DMXL1: variants seen among roughly 807,000 people sequenced by gnomAD.
DMXL1 encodes Dmx like 1, also known as dmX-like protein 1.
In DMXL1, 99 loss-of-function variants were observed where a neutral mutation model predicts 319.2. The observed-to-expected ratio is 0.31, with a 90% CI of 0.26 to 0.37. The LOEUF (loss-of-function observed/expected upper bound fraction) is 0.37. Among genes scored for constraint, DMXL1 ranks in the 10% least tolerant of loss-of-function variants. DMXL1 has a pLI of 1.00. For missense variants in DMXL1, 3,745 were observed against 3,595.6 expected (o/e 1.04, Z -1.06); for synonymous variants, 1,385 against 1,235.2 (o/e 1.12, Z -2.54).
intron 19 of DMXL1, among the ~76,000 whole-genome samples, chr5:119,155,095 C>T (rs1770702105): frequency 6.6e-6 from 1 of 152,178 alleles, no homozygotes; most frequent in Non-Finnish European, 1.5e-5. Flanking sequence ...CTGTTATTGA[C>T]AGTGACCTGT....
chr5:119,180,524 T>C (rs1311100306), intron 28 of DMXL1, among the ~76,000 whole-genome samples: 1 of 152,192 alleles, frequency 6.6e-6, no homozygotes, highest in East Asian at 1.9e-4. Context: ...ACTTCTCCTT[T>C]TTCTTCTTAT....
intron 1 of DMXL1, among the ~76,000 whole-genome samples, chr5:119,093,948 A>C (rs1000174765): frequency 6.6e-6 from 1 of 152,212 alleles, no homozygotes; most frequent in Non-Finnish European, 1.5e-5. Flanking sequence ...GGAAGCTGCA[A>C]AATTAAAGTT....
At chr5:119,083,374 A>AT (rs1163098288) in intron 1 of DMXL1, among the ~76,000 whole-genome samples, 11 of 151,908 alleles carry the variant, frequency 7.2e-5, no homozygotes, top group Non-Finnish European at 2.9e-5. Flanking sequence ...CATATACTAC[A>AT]TTTTTTTCAT....
In DMXL1 at chr5:119,147,405, T is replaced by C; in HGVS notation, c.2846T>C (p.Met949Thr). Residue 949 changes from methionine (M) to threonine (T), a missense_variant, in exon 17 of 44, where the codon ATG becomes ACG. Transcript: ENST00000539542. Reference sequence around the variant, plus strand: ...AGCAGGTTGACTCTGTTTTCAGAAATGGTTTATAGCCAAGAATTGCATTTA... The same window carrying C: ...AGCAGGTTGACTCTGTTTTCAGAAACGGTTTATAGCCAAGAATTGCATTTA... ...STSRLTLFSE[M>T]VYSQELHLPE... is the part of the protein sequence containing the mutation. 1 of 1,613,622 alleles carries C rather than the reference T, an allele frequency of 6.2e-7. No homozygotes were observed. The highest frequency in any genetic ancestry group is 8.5e-7 in the Non-Finnish European group (1 of 1,179,718).
chr5:119,132,237 A>G (rs1011003425), intron 10 of DMXL1, among the ~76,000 whole-genome samples: 5 of 152,212 alleles, frequency 3.3e-5, no homozygotes, highest in African/African-American at 9.6e-5. Context: ...AATTATGTCT[A>G]TAGGCTCTTT....
At position 119,120,959 on chromosome 5, in the gene DMXL1, C is replaced by G. The variant is rs1425217395; in HGVS notation, c.934-12C>G. ...GACAATATAGGTATTAGTTTTGTTT[C>G]TATTCACACAGGTAAATCTGAGACA... On this transcript the variant is annotated splice_polypyrimidine_tract_variant and intron_variant, in intron 8 of 43. Transcript: ENST00000539542. The G allele has an allele frequency of 6.3e-7, 1 of 1,599,484 alleles. No homozygotes were observed.
chr5:119,139,280 G>A (rs1226843298), intron 13 of DMXL1, among the ~76,000 whole-genome samples: 2 of 152,182 alleles, frequency 1.3e-5, no homozygotes, highest in African/African-American at 4.8e-5. Flanking sequence ...ACACATGTCA[G>A]TGCTAACCTT....
intron 1 of DMXL1, among the ~76,000 whole-genome samples, chr5:119,092,626 G>A (rs186877720): frequency 2.0e-5 from 3 of 152,136 alleles, no homozygotes; most frequent in East Asian, 1.9e-4. Flanking sequence ...GAGAAATCCC[G>A]TGTCTATTAC....
intron 34 of DMXL1, among the ~76,000 whole-genome samples, chr5:119,210,757 G>GTTTTTTTTTTTTTTTTTTTTTTTTTT: frequency 4.5e-5 from 4 of 89,774 alleles, no homozygotes; most frequent in African/African-American, 8.2e-5. Flanking sequence ...TTTTTCTTTC[G>GTTTTTTTTTTTTTTTTTTTTTTTTTT]TTTTTTTTTT....
intron 7 of DMXL1, 130 bp from the exon 8 acceptor site, chr5:119,118,685 C>G (rs1761376084): frequency 3.0e-6 from 2 of 656,236 alleles, no homozygotes; most frequent in Admixed American, 6.2e-5. Context: ...GTGATGAAAT[C>G]TGTACATATT....
intron 28 of DMXL1, among the ~76,000 whole-genome samples, chr5:119,188,560 G>A (rs1228488497): frequency 1.3e-5 from 2 of 152,154 alleles, no homozygotes; most frequent in African/African-American, 2.4e-5. Flanking sequence ...GTTTTAGAAT[G>A]TGTGTTAATG....
intron 28 of DMXL1, among the ~76,000 whole-genome samples, chr5:119,184,740 T>G (rs915674552): frequency 3.3e-5 from 5 of 152,206 alleles, no homozygotes; most frequent in Non-Finnish European, 5.9e-5. Context: ...TATAGTGTTT[T>G]GTCTTTTTGT....
intron 34 of DMXL1, among the ~76,000 whole-genome samples, chr5:119,215,198 C>G (rs1783465558): frequency 6.6e-6 from 1 of 152,154 alleles, no homozygotes; most frequent in Admixed American, 6.5e-5. Context: ...ATATATTTGA[C>G]TCTTTATATC....
chr5:119,169,943 G>C (rs966442453), intron 23 of DMXL1, among the ~76,000 whole-genome samples: 1 of 152,180 alleles, frequency 6.6e-6, no homozygotes. Context: ...AATTATCCTA[G>C]AATATTACCT....
Position 119,203,452 on chromosome 5 carries a change from A to T in DMXL1, c.7863+16A>T, listed in dbSNP as rs1169014766. Reference sequence around the variant, plus strand: ...TCTAAATGAGGTCTGTATAAGTTAAAACCTGTTTACTATTTTATTATTGAA... The same window carrying T: ...TCTAAATGAGGTCTGTATAAGTTAATACCTGTTTACTATTTTATTATTGAA... On this transcript the variant is annotated intron_variant, in intron 33 of 43. Coordinates refer to ENST00000539542, the MANE Select transcript of DMXL1 (RefSeq NM_001290321.3). The T allele has an allele frequency of 7.0e-7, 1 of 1,427,350 alleles. No individual in the cohort carries two copies. The highest frequency in any genetic ancestry group is 9.6e-7 in the Non-Finnish European group (1 of 1,037,058). The allele number at this position is 1,427,350 out of a possible 1,614,324, so 88.4% of individuals were successfully genotyped here.
intron 28 of DMXL1, among the ~76,000 whole-genome samples, chr5:119,180,626 T>C (rs958295771): frequency 6.6e-6 from 1 of 152,188 alleles, no homozygotes; most frequent in African/African-American, 2.4e-5. Flanking sequence ...TAACATTCCT[T>C]TTCTGTTTTT....
In DMXL1 at chr5:119,221,018, T is replaced by C; in HGVS notation, c.8214T>C (p.Asn2738=). The C allele has an allele frequency of 1.2e-6, 2 of 1,613,836 alleles. No individual in the cohort carries two copies. The highest frequency in any genetic ancestry group is 2.7e-5 in the African/African-American group (2 of 75,024). The change falls in exon 37 of 44, where the codon AAT becomes AAC. Residue 2738 remains asparagine, a synonymous_variant. Coordinates refer to ENST00000539542, the MANE Select transcript of DMXL1 (RefSeq NM_001290321.3). ...VQGTTPYTHS[N]PGTPINMPWL... The stretch of plus-strand genomic sequence containing the variant: ...GTACAACTCCATATACACATAGCAA[T>C]CCTGGCACTCCAATCAACATGCCAT...
At position 119,194,044 on chromosome 5, in the gene DMXL1, A is replaced by T; in HGVS notation, c.7457+74A>T. On this transcript the variant is annotated intron_variant, in intron 30 of 43. Transcript: ENST00000539542. The stretch of plus-strand genomic sequence containing the variant: ...TAAATAATATTTTTGAAAAAATTAC[A>T]TGTGAAATTAATAGCTTGTTGACTT... The T allele has an allele frequency of 2.8e-6, 3 of 1,074,242 alleles. No homozygotes were observed. The South Asian group carries it at 6.3e-5, about 23-fold the overall frequency. 66.5% of individuals were successfully genotyped at this position (1,074,242 alleles called of 1,614,324 possible). A position where few individuals can be genotyped will look rare whatever the true frequency, so the allele number is the denominator to read the frequency against.
At chr5:119,234,651 TCTA>T in intron 39 of DMXL1, among the ~76,000 whole-genome samples, 2 of 152,162 alleles carry the variant, frequency 1.3e-5, no homozygotes, top group African/African-American at 2.4e-5. Flanking sequence ...CCTGTATAAT[TCTA>T]TTGTACTTTT....
Sources: gnomAD v4.1 joint callset for allele counts (sites outside exome capture counted in the v4.1 genomes callset) on GRCh38, gnomAD v4.1.1 for gene constraint, MANE v1.5 for transcripts, NCBI Gene and HGNC (gene_info 2026-07-23, HGNC 2026-07-21) for gene names.